Variants in RFC1 observed in about 807,000 individuals in gnomAD.
RFC1 encodes replication factor C subunit 1.
Under a neutral mutation model 137.4 loss-of-function variants are expected in RFC1, and 37 were observed. The ratio of observed to expected loss-of-function variants is 0.27; its 90% confidence interval spans 0.21 to 0.35. The LOEUF (loss-of-function observed/expected upper bound fraction) is 0.35, where lower values mean the gene tolerates loss of function less well. RFC1 is among the 10% of genes least tolerant of loss of function. The pLI is 1.00. For synonymous variants in RFC1, 429 were observed against 455.7 expected, an observed-to-expected ratio of 0.94 and a Z score of 0.75; for missense variants, 1,205 against 1,358.5, an observed-to-expected ratio of 0.89 and a Z score of 1.78.
At chr4:39,364,081 A>T (rs1201521211) in intron 1 of RFC1, among the ~76,000 whole-genome samples, 1 of 31,048 alleles carries the variant, frequency 3.2e-5, no homozygotes, top group Non-Finnish European at 7.4e-5. Context: ...CCTTGCCTTT[A>T]AAAAAAAAAA....
At chr4:39,333,203 C>G (rs770422500) in intron 4 of RFC1, among the ~76,000 whole-genome samples, 3 of 152,084 alleles carry the variant, frequency 2.0e-5, no homozygotes, top group Non-Finnish European at 4.4e-5. Context: ...TTTTATGACC[C>G]TATGGGTAGC....
At position 39,325,915 on chromosome 4, in the gene RFC1, T is replaced by C. The variant is rs78084129; in HGVS notation, c.642+648A>G. On this transcript the variant is annotated intron_variant, in intron 6 of 24. Transcript: ENST00000349703. ...TTTTCTTTTAAGATCCACCAAGTCATGTCACTTTTCTATTCAAAACTCCAA... is the reference window on the plus strand; with the variant it reads ...TTTTCTTTTAAGATCCACCAAGTCACGTCACTTTTCTATTCAAAACTCCAA... Among the ~76,000 whole-genome samples the C allele has an allele frequency of 2.7e-4, 41 of 152,286 alleles. No individual in the cohort carries two copies. The East Asian group carries it at 7.1e-3, about 27-fold the overall frequency.
chr4:39,360,818 G>A (rs551084064), intron 1 of RFC1, among the ~76,000 whole-genome samples: 16 of 152,198 alleles, frequency 1.1e-4, no homozygotes, highest in South Asian at 2.1e-4. Context: ...AATAAGTACC[G>A]CAGTATGCTG....
Position 39,304,866 on chromosome 4 carries a change from C to T in RFC1, c.2058G>A (p.Lys686=). The change falls in exon 15 of 25, where the codon AAG becomes AAA. Residue 686 remains lysine, a synonymous_variant. Coordinates refer to ENST00000349703, the MANE Select transcript of RFC1 (RefSeq NM_002913.5). ...TGTTCAGTGACTCAGCAACAATCGC[C>T]TTCAAACTGCTCTTACTCCGGGTGT... ...ASDTRSKSSL[K]AIVAESLNNT... is the part of the protein sequence containing the mutation. The T allele has an allele frequency of 6.2e-7, 1 of 1,613,822 alleles. No homozygotes were observed. The highest frequency in any genetic ancestry group is 1.3e-5 in the African/African-American group (1 of 75,036).
Position 39,302,517 on chromosome 4 carries a change from T to C in RFC1, c.2419A>G (p.Asn807Asp). 1.2e-6 allele frequency: 2 copies of C among 1,605,184 alleles called. No homozygotes were observed. Among genetic ancestry groups the C allele is most frequent in the Non-Finnish European group, 1.7e-6 (2 of 1,172,770 alleles). The change falls in exon 18 of 25, where the codon AAT (asparagine) becomes GAT (aspartate). Residue 807 changes from asparagine (N) to aspartate (D), a missense_variant. Asn to Asp is a conservative substitution (Grantham distance 23). Around this residue, in one of 3 missense-constraint regions of RFC1, gnomAD observed 962 missense variants for 1,035.3 expected, o/e 0.93. Coordinates refer to ENST00000349703, the MANE Select transcript of RFC1 (RefSeq NM_002913.5). ...PAMNEIILGA[N>D]QDIRQVLHNL... ...TAATTTACCTGTCTGATATCTTGAT[T>C]GGCTCCCAAAATTATTTCATTCATA...
At chr4:39,366,191 C>CA in intron 1 of RFC1, 48 bp downstream of exon 1, 1 of 1,547,606 alleles carries the variant, frequency 6.5e-7, no homozygotes, top group Non-Finnish European at 8.7e-7. Context: ...ACCAGGCCTG[C>CA]AAAGCCCCCC....
At chr4:39,330,175 A>G (rs552000254) in intron 4 of RFC1, among the ~76,000 whole-genome samples, 263 of 152,280 alleles carry the variant, frequency 1.7e-3, no homozygotes, top group Non-Finnish European at 3.2e-3. Context: ...CCCTCATTCA[A>G]CTATGAACAT....
chr4:39,359,424 G>A (rs73238573), intron 1 of RFC1, among the ~76,000 whole-genome samples: 1 of 152,126 alleles, frequency 6.6e-6, no homozygotes, highest in African/African-American at 2.4e-5. Flanking sequence ...AACCCAGATG[G>A]GACTGGAAAC....
intron 1 of RFC1, among the ~76,000 whole-genome samples, chr4:39,364,314 A>G (rs1741915323): frequency 6.6e-6 from 1 of 152,026 alleles, no homozygotes; most frequent in African/African-American, 2.4e-5. Context: ...ACAAGTGTTC[A>G]ATAAACATTT....
intron 14 of RFC1, among the ~76,000 whole-genome samples, 153 bp downstream of exon 14, chr4:39,306,439 G>T (rs529765985): frequency 4.2e-4 from 64 of 152,202 alleles, no homozygotes; most frequent in Non-Finnish European, 7.8e-4. Flanking sequence ...ACCAAAACAG[G>T]TTCTAAAGGT....
chr4:39,296,243 TTTTTTTC>T (rs1478940259), intron 21 of RFC1, among the ~76,000 whole-genome samples: 3 of 110,862 alleles, frequency 2.7e-5, no homozygotes, highest in African/African-American at 1.5e-4. Flanking sequence ...ACTTTCTTTT[TTTTTTTC>T]TTTTTTTTTT....
chr4:39,290,881 C>A (rs192805952), intron 23 of RFC1, among the ~76,000 whole-genome samples: 1 of 151,036 alleles, frequency 6.6e-6, no homozygotes, highest in Non-Finnish European at 1.5e-5. Context: ...CCACAAAACA[C>A]TAGATACCTT....
chr4:39,347,584 A>G (rs2109745038), intron 2 of RFC1, among the ~76,000 whole-genome samples: 1 of 152,346 alleles, frequency 6.6e-6, no homozygotes, highest in East Asian at 1.9e-4. Context: ...AAAACCTAAA[A>G]TACAGAAGTG....
chr4:39,333,904 T>C (rs535505185), intron 4 of RFC1, among the ~76,000 whole-genome samples: 1 of 152,236 alleles, frequency 6.6e-6, no homozygotes, highest in African/African-American at 2.4e-5. Context: ...TATGGGAGTG[T>C]TCTATAAGAT....
At chr4:39,363,524 C>T (rs1026054400) in intron 1 of RFC1, among the ~76,000 whole-genome samples, 5 of 152,106 alleles carry the variant, frequency 3.3e-5, no homozygotes, top group African/African-American at 1.2e-4. Context: ...TTATTGATAA[C>T]TTTTAATTGG....
chr4:39,344,138 GATAAAA>G (rs1740737777), intron 3 of RFC1, among the ~76,000 whole-genome samples: 1 of 151,054 alleles, frequency 6.6e-6, no homozygotes, highest in South Asian at 2.1e-4. Flanking sequence ...ATTCACACCA[GATAAAA>G]ATAAAACAGA....
At chr4:39,304,407 T>G (rs1238949842) in intron 15 of RFC1, among the ~76,000 whole-genome samples, 1 of 152,236 alleles carries the variant, frequency 6.6e-6, no homozygotes, top group Admixed American at 6.5e-5. Context: ...CAAGCATAAT[T>G]ACTTCTTCAT....
rs73808405 is a variant in RFC1, at chr4:39,358,905, A to G, written c.3+7334T>C. ...TTATGTACATACCGATACTTCCTAA[A>G]TCTTGTGTCTGTTTCTCCAGACCAG... is the stretch of plus-strand genomic sequence containing the variant. On this transcript the variant is annotated intron_variant, in intron 1 of 24. Transcript: ENST00000349703. Among the ~76,000 whole-genome samples, 514 of 152,230 alleles carry G rather than the reference A, an allele frequency of 3.4e-3. 2 individuals carry two copies. Among genetic ancestry groups the G allele is most frequent in the African/African-American group, 0.011 (449 of 41,520 alleles).
intron 1 of RFC1, among the ~76,000 whole-genome samples, chr4:39,365,708 C>T (rs17334638): frequency 0.015 from 2,248 of 152,256 alleles, 57 homozygotes; most frequent in African/African-American, 0.051. Context: ...CCTCTCCATG[C>T]CCTCGGTCTC....
Sources: allele counts gnomAD v4.1 joint callset (sites outside exome capture counted in the v4.1 genomes callset), GRCh38; gene constraint gnomAD v4.1.1; regional missense constraint gnomAD v4.1.1; transcripts MANE v1.5; gene names NCBI Gene and HGNC (gene_info 2026-07-23, HGNC 2026-07-21).